Variants in METTL15 observed in about 807,000 individuals in gnomAD.
The protein encoded by METTL15 is 12S rRNA N(4)-cytidine methyltransferase METTL15.
A neutral mutation model predicts 38.3 loss-of-function variants in METTL15; 34 were observed. The observed-to-expected ratio is 0.89, with a 90% confidence interval of 0.68 to 1.18. The LOEUF is 1.18. METTL15 is among the 50% of genes most tolerant of loss of function. METTL15 has a pLI of 0.00. For missense variants in METTL15, 438 were observed against 498.4 expected, an observed-to-expected ratio of 0.88 and a Z score of 1.15; for synonymous variants, 162 against 170.9, an observed-to-expected ratio of 0.95 and a Z score of 0.41.
chr11:28,457,749 T>C (rs1327665030), intron 6 of METTL15, among the ~76,000 whole-genome samples: 1 of 152,208 alleles, frequency 6.6e-6, no homozygotes, highest in Non-Finnish European at 1.5e-5. Context: ...AGATCACTTA[T>C]TACACATGCC....
intron 3 of METTL15, among the ~76,000 whole-genome samples, chr11:28,179,217 T>G (rs1851191485): frequency 6.6e-6 from 1 of 151,850 alleles, no homozygotes; most frequent in Admixed American, 6.6e-5. Context: ...TTGAAGTCTA[T>G]AATCTTATGT....
chr11:28,308,442 A>C (rs1590300179), intron 6 of METTL15, among the ~76,000 whole-genome samples: 1 of 152,002 alleles, frequency 6.6e-6, no homozygotes, highest in East Asian at 1.9e-4. Context: ...GTACTGGTTC[A>C]CTCTTAAGGT....
chr11:28,206,060 C>T (rs1224038260), intron 3 of METTL15, among the ~76,000 whole-genome samples: 7 of 143,896 alleles, frequency 4.9e-5, no homozygotes, highest in African/African-American at 1.4e-4. Flanking sequence ...TGTAGGTTGC[C>T]TGTTCACTCT....
intron 4 of METTL15, among the ~76,000 whole-genome samples, chr11:28,358,447 A>C (rs527475936): frequency 2.0e-5 from 3 of 152,350 alleles, no homozygotes; most frequent in Admixed American, 6.5e-5. Flanking sequence ...GAAGCACAAA[A>C]TGTAACGATG....
intron 3 of METTL15, among the ~76,000 whole-genome samples, chr11:28,158,047 G>A (rs1850324655): frequency 1.3e-5 from 2 of 152,202 alleles, no homozygotes; most frequent in Admixed American, 6.5e-5. Context: ...GAAATGACCA[G>A]ATGTGTGATT....
chr11:28,311,343 C>G (rs994896235), intron 6 of METTL15, among the ~76,000 whole-genome samples: 1 of 152,150 alleles, frequency 6.6e-6, no homozygotes, highest in Non-Finnish European at 1.5e-5. Context: ...AATTCATACT[C>G]ACTTTCAAGA....
intron 6 of METTL15, among the ~76,000 whole-genome samples, chr11:28,430,002 C>A (rs1850902183): frequency 2.3e-5 from 3 of 132,950 alleles, no homozygotes; most frequent in African/African-American, 8.5e-5. Flanking sequence ...AGCGCCTCTG[C>A]CCCGCCGCCC....
chr11:28,431,850 G>A (rs1006308807), intron 6 of METTL15, among the ~76,000 whole-genome samples: 17 of 140,272 alleles, frequency 1.2e-4, no homozygotes, highest in Middle Eastern at 4.0e-3. Flanking sequence ...TTAGACAGGG[G>A]AAAGATAATG....
chr11:28,173,426 G>A (rs1241966774), intron 3 of METTL15, among the ~76,000 whole-genome samples: 3 of 152,296 alleles, frequency 2.0e-5, no homozygotes, highest in Admixed American at 6.5e-5. Flanking sequence ...CATCAAATCT[G>A]CTGGAGCCTT....
intron 3 of METTL15, among the ~76,000 whole-genome samples, chr11:28,194,138 T>TTCTTTCTTTCTTTCTTTCTC (rs1851807747): frequency 8.8e-6 from 1 of 114,264 alleles, no homozygotes; most frequent in East Asian, 2.9e-4. Context: ...CTTTCTTTCT[T>TTCTTTCTTTCTTTCTTTCTC]TCTTTCTTTC....
chr11:28,382,888 C>T (rs926649688), intron 5 of METTL15, among the ~76,000 whole-genome samples: 7 of 149,018 alleles, frequency 4.7e-5, no homozygotes, highest in Admixed American at 1.3e-4. Context: ...AGTTTTTGTA[C>T]TTCTCTGTGG....
At chr11:28,477,522 G>A (rs1851357146) in intron 6 of METTL15, 1 of 152,058 alleles carries the variant, frequency 6.6e-6, no homozygotes, top group Non-Finnish European at 1.5e-5. Context: ...TTGCCACAAC[G>A]ATCCTTACAA....
chr11:28,154,146 G>A (rs537864729), intron 3 of METTL15, among the ~76,000 whole-genome samples: 6 of 152,184 alleles, frequency 3.9e-5, no homozygotes, highest in Non-Finnish European at 7.4e-5. Context: ...GGTACAACTC[G>A]TAATTGAAGG....
chr11:28,341,067 G>T (rs918671366), intron 3 of METTL15, among the ~76,000 whole-genome samples: 3 of 152,082 alleles, frequency 2.0e-5, no homozygotes, highest in African/African-American at 7.2e-5. Context: ...AACTAACACA[G>T]GAACAGAAAA....
intron 3 of METTL15, among the ~76,000 whole-genome samples, chr11:28,187,227 C>T (rs762509633): frequency 3.3e-5 from 5 of 151,136 alleles, no homozygotes; most frequent in Non-Finnish European, 7.4e-5. Flanking sequence ...ATAATTATCC[C>T]AGTGCTATGG....
At chr11:28,359,394 G>C (rs1287526522) in intron 4 of METTL15, among the ~76,000 whole-genome samples, 1 of 152,190 alleles carries the variant, frequency 6.6e-6, no homozygotes, top group Non-Finnish European at 1.5e-5. Flanking sequence ...ATGAGTGCAT[G>C]TATTTTTTTG....
chr11:28,344,982 CT>C (rs1849984242), intron 3 of METTL15, among the ~76,000 whole-genome samples: 1 of 152,054 alleles, frequency 6.6e-6, no homozygotes, highest in Non-Finnish European at 1.5e-5. Flanking sequence ...GTTTTATATT[CT>C]TTTTTTGTTC....
chr11:28,434,179 T>C (rs1310395259), intron 6 of METTL15, among the ~76,000 whole-genome samples: 1 of 152,124 alleles, frequency 6.6e-6, no homozygotes, highest in African/African-American at 2.4e-5. Flanking sequence ...GATCTGGTGG[T>C]TTTATAAGGG....
At chr11:28,530,325 T>A (rs1473812263), downstream of METTL15, among the ~76,000 whole-genome samples, 1 of 152,142 alleles carries the variant, frequency 6.6e-6, no homozygotes, top group Non-Finnish European at 1.5e-5. Context: ...ATAAAGCATG[T>A]TTTCCCATTT....
Sources: allele counts gnomAD v4.1 joint callset (sites outside exome capture counted in the v4.1 genomes callset), GRCh38; gene constraint gnomAD v4.1.1; transcripts MANE v1.5; gene names NCBI Gene and HGNC (gene_info 2026-07-23, HGNC 2026-07-21).